MEI1: variants seen among roughly 807,000 people sequenced by gnomAD.
The protein encoded by MEI1 is meiotic double-stranded break formation protein 1.
In MEI1, 103 loss-of-function variants were observed where a neutral mutation model predicts 146.2. The ratio of observed to expected loss-of-function variants is 0.70; its 90% CI spans 0.60 to 0.83. MEI1 has a LOEUF of 0.83. MEI1 is among the 40% of genes least tolerant of loss of function. The pLI, the probability that MEI1 is intolerant of heterozygous loss-of-function variation, is 0.00. For synonymous variants in MEI1, 652 were observed against 628.2 expected, an observed-to-expected ratio of 1.04 and a Z score of -0.57; for missense variants, 1,529 against 1,533.0, an observed-to-expected ratio of 1.00 and a Z score of 0.04.
intron 27 of MEI1, 146 bp from the exon 28 acceptor site, chr22:41,794,225 G>C (rs1303429274): frequency 2.8e-6 from 2 of 709,506 alleles, no homozygotes; most frequent in Non-Finnish European, 4.9e-6. Flanking sequence ...AGAAGCCCAG[G>C]GAAGAAAGAA....
chr22:41,783,384 C>A (rs532055408), intron 24 of MEI1, among the ~76,000 whole-genome samples: 6 of 151,324 alleles, frequency 4.0e-5, no homozygotes, highest in Admixed American at 3.3e-4. Flanking sequence ...CCTCTGCCTC[C>A]TGGGTTCAAG....
chr22:41,699,555 C>T lies in MEI1; in HGVS notation c.17C>T (p.Ala6Val). ...AGCGAGGAGATGGCTGTGAGGCAGG[C>T]GGCGACGGCGGGCACTCCCGGGCCC... MAVRQ[A>V]ATAGTPGPRR... Residue 6 changes from alanine (A) to valine (V), a missense_variant, in exon 1 of 31, where the codon GCG becomes GTG. Coordinates refer to ENST00000401548, the MANE Select transcript of MEI1 (RefSeq NM_152513.4). The T allele has an allele frequency of 1.9e-6, 3 of 1,611,096 alleles. No homozygotes were observed. Among genetic ancestry groups the T allele is most frequent in the East Asian group, 4.5e-5 (2 of 44,812 alleles).
chr22:41,791,725 G>T (rs1029297382), intron 26 of MEI1, among the ~76,000 whole-genome samples: 1 of 152,188 alleles, frequency 6.6e-6, no homozygotes, highest in Non-Finnish European at 1.5e-5. Flanking sequence ...TATTCATAAT[G>T]ATGAAAAAGT....
At chr22:41,721,761 A>G (rs1601736269) in intron 6 of MEI1, among the ~76,000 whole-genome samples, 3 of 112,278 alleles carry the variant, frequency 2.7e-5, no homozygotes, top group African/African-American at 1.1e-4. Context: ...TCGCTCTTTC[A>G]CCATGCTGGA....
chr22:41,773,436 A>G (rs2075287520), intron 20 of MEI1, among the ~76,000 whole-genome samples: 1 of 152,238 alleles, frequency 6.6e-6, no homozygotes, highest in Non-Finnish European at 1.5e-5. Context: ...TGAACCAGAT[A>G]AAGTTCATCT....
At chr22:41,717,951 T>A (rs113142259) in intron 5 of MEI1, 120 bp from the exon 6 acceptor site, 8 of 847,880 alleles carry the variant, frequency 9.4e-6, no homozygotes, top group African/African-American at 6.9e-5. Context: ...CAGAAAGCAT[T>A]TTTTGTGGGG....
intron 17 of MEI1, among the ~76,000 whole-genome samples, chr22:41,755,676 T>C (rs116628110): frequency 2.3e-3 from 356 of 152,318 alleles, no homozygotes; most frequent in African/African-American, 8.2e-3. Flanking sequence ...TGCCAGGAAA[T>C]GCAGCACATC....
At chr22:41,721,107 G>T (rs888920396) in intron 6 of MEI1, among the ~76,000 whole-genome samples, 4 of 150,434 alleles carry the variant, frequency 2.7e-5, no homozygotes, top group Middle Eastern at 3.4e-3. Flanking sequence ...TAGAGATGGG[G>T]TTTCACCATG....
chr22:41,792,235 G>C (rs2076205294), intron 26 of MEI1, among the ~76,000 whole-genome samples: 2 of 152,154 alleles, frequency 1.3e-5, no homozygotes, highest in African/African-American at 4.8e-5. Flanking sequence ...GGTCCTCCTT[G>C]ACACCTCTGG....
chr22:41,728,610 A>G (rs1226053571), intron 7 of MEI1, among the ~76,000 whole-genome samples: 6 of 152,218 alleles, frequency 3.9e-5, no homozygotes, highest in Non-Finnish European at 2.9e-5. Flanking sequence ...TCATGCTGTA[A>G]TCCCAGCATT....
intron 11 of MEI1, among the ~76,000 whole-genome samples, chr22:41,739,020 C>G (rs1356444623): frequency 6.6e-6 from 1 of 151,798 alleles, no homozygotes; most frequent in African/African-American, 2.4e-5. Flanking sequence ...ATAGGCTGGG[C>G]ATGGTGGCTC....
chr22:41,742,885 C>G (rs1030804381), intron 11 of MEI1, among the ~76,000 whole-genome samples, 195 bp from the exon 12 acceptor site: 12 of 152,172 alleles, frequency 7.9e-5, no homozygotes, highest in Admixed American at 7.9e-4. Flanking sequence ...CTCAAGACAT[C>G]TACTCATCTC....
Position 41,763,194 on chromosome 22 carries a change from T to C in MEI1, c.2141T>C (p.Leu714Ser). ...GACAGGTTTGTCTCAGAGGCAGAGT[T>C]ATTTGAGGCTGTGCAAAGCTTCCTC... is the stretch of plus-strand genomic sequence containing the variant. ...HEDRFVSEAE[L>S]FEAVQSFLLS... is the part of the protein sequence containing the mutation. Residue 714 changes from leucine to serine, a missense_variant, in exon 19 of 31, where the codon TTA becomes TCA. By Grantham distance (145) the Leu-to-Ser change is moderately radical. Coordinates refer to ENST00000401548, the MANE Select transcript of MEI1 (RefSeq NM_152513.4). 1 of 1,613,950 alleles carries C rather than the reference T, an allele frequency of 6.2e-7. No homozygotes were observed.
Position 41,718,086 on chromosome 22 carries a change from A to G in MEI1, c.545A>G (p.His182Arg). 6.2e-7 allele frequency: 1 copy of G among 1,601,662 alleles called. No individual in the cohort carries two copies. Among genetic ancestry groups the G allele is most frequent in the Non-Finnish European group, 8.5e-7 (1 of 1,172,198 alleles). The change falls in exon 6 of 31, where the codon CAT becomes CGT. Residue 182 changes from histidine (H) to arginine (R), a missense_variant. Around this residue, in one of 3 missense-constraint regions of MEI1, gnomAD observed 1,212 missense variants for 1,178.9 expected, o/e 1.03. Transcript: ENST00000401548. ...TTCTGGACAGGCAACCTGATGGAGCATCTGTTGAGAGGCTTAGTATACCCC... is the reference window on the plus strand; with the variant it reads ...TTCTGGACAGGCAACCTGATGGAGCGTCTGTTGAGAGGCTTAGTATACCCC... ...LVMEHGNLME[H>R]LLRGLVYPSE...
chr22:41,754,499 T>C (rs904556488), intron 17 of MEI1, among the ~76,000 whole-genome samples: 4 of 152,154 alleles, frequency 2.6e-5, no homozygotes, highest in African/African-American at 9.7e-5. Context: ...AGTGGCATGA[T>C]CTCAGCTCAC....
chr22:41,770,884 C>T lies in MEI1; in HGVS notation c.2467C>T (p.Gln823Ter). 1 of 1,614,044 alleles carries T rather than the reference C, an allele frequency of 6.2e-7. No homozygotes were observed. Among genetic ancestry groups the T allele is most frequent in the African/African-American group, 1.3e-5 (1 of 75,058 alleles). Residue 823 changes from glutamine (Q) to a stop codon, truncating the protein, a stop_gained, in exon 20 of 31, where the codon CAG becomes TAG. Coordinates refer to ENST00000401548, the MANE Select transcript of MEI1 (RefSeq NM_152513.4). LOFTEE classifies it high-confidence loss of function. Reference sequence around the variant, plus strand: ...ACTGGATGATGTCACCTCTGCTGGGCAGCCCGCCCTTCCTGCCAGCTTAGT... The same window carrying T: ...ACTGGATGATGTCACCTCTGCTGGGTAGCCCGCCCTTCCTGCCAGCTTAGT... ...EELDDVTSAG[Q>*]PALPASLVVL...
chr22:41,711,259 G>C (rs551510688), intron 3 of MEI1, among the ~76,000 whole-genome samples: 2 of 151,908 alleles, frequency 1.3e-5, no homozygotes, highest in South Asian at 2.1e-4. Context: ...TGCAAGCTCT[G>C]CCTCCTGGGT....
intron 19 of MEI1, among the ~76,000 whole-genome samples, chr22:41,766,774 C>T (rs1406832913): frequency 2.0e-5 from 3 of 151,894 alleles, no homozygotes; most frequent in Non-Finnish European, 4.4e-5. Context: ...TCAGGCAATC[C>T]CCCTGCCTTA....
chr22:41,748,934 C>G (rs2073537248), intron 15 of MEI1, among the ~76,000 whole-genome samples: 1 of 152,018 alleles, frequency 6.6e-6, no homozygotes, highest in East Asian at 1.9e-4. Flanking sequence ...TCCTGATTAG[C>G]TGGGACTACA....
Sources: gnomAD v4.1 joint callset for allele counts (sites outside exome capture counted in the v4.1 genomes callset) on GRCh38, gnomAD v4.1.1 for gene constraint, gnomAD v4.1.1 regional missense constraint, MANE v1.5 for transcripts, NCBI Gene and HGNC (gene_info 2026-07-23, HGNC 2026-07-21) for gene names.